Variants in NRXN1 observed in about 807,000 individuals in gnomAD.
The protein encoded by NRXN1 is neurexin 1, also known as neurexin-1.
Under a neutral mutation model 150.9 loss-of-function variants are expected in NRXN1, and 39 were observed. The observed-to-expected ratio is 0.26, with a 90% CI of 0.20 to 0.34. NRXN1 has a LOEUF of 0.34. Among genes scored for constraint, NRXN1 ranks in the 10% least tolerant of loss-of-function variants. NRXN1 has a pLI of 1.00. For missense variants in NRXN1, 1,815 were observed against 1,949.9 expected, an observed-to-expected ratio of 0.93 and a Z score of 1.30; for synonymous variants, 924 against 757.0, an observed-to-expected ratio of 1.22 and a Z score of -3.62.
At chr2:50,133,501 C>T (rs573596861) in intron 18 of NRXN1, among the ~76,000 whole-genome samples, 24 of 152,236 alleles carry the variant, frequency 1.6e-4, no homozygotes, top group African/African-American at 5.8e-4. Context: ...TGGATAGTAC[C>T]AGACAGACTC....
intron 18 of NRXN1, among the ~76,000 whole-genome samples, chr2:50,194,510 C>T (rs941403400): frequency 3.3e-5 from 5 of 152,074 alleles, no homozygotes; most frequent in Non-Finnish European, 5.9e-5. Context: ...CTTTACCCCC[C>T]CGATTCCCCA....
intron 5 of NRXN1, among the ~76,000 whole-genome samples, chr2:50,874,023 C>T (rs1678196235): frequency 6.6e-6 from 1 of 151,892 alleles, no homozygotes; most frequent in Non-Finnish European, 1.5e-5. Flanking sequence ...CAATTTGCCT[C>T]ATATGGTTTT....
intron 5 of NRXN1, among the ~76,000 whole-genome samples, chr2:50,654,066 C>T (rs1366235445): frequency 6.8e-6 from 1 of 147,298 alleles, no homozygotes; most frequent in Non-Finnish European, 1.5e-5. Context: ...TTTTAGGGTA[C>T]ATGTGTACAA....
At position 50,481,922 on chromosome 2, in the gene NRXN1, C is replaced by A. The variant is rs926103451; in HGVS notation, c.3071-9451G>T. Among the ~76,000 whole-genome samples the A allele has an allele frequency of 2.1e-5, 3 of 145,652 alleles. No homozygotes were observed. In the East Asian group the frequency reaches 5.9e-4, roughly 28 times the overall value. ...CTGGGACTACAGGCGCCCGCCACTACGCCCGGCTAATTTTTTTTTGTATTT... is the reference window on the plus strand; with the variant it reads ...CTGGGACTACAGGCGCCCGCCACTAAGCCCGGCTAATTTTTTTTTGTATTT... On this transcript the variant is annotated intron_variant, in intron 15 of 22. Transcript: ENST00000401669.
At chr2:50,482,597 A>C (rs2090552736) in intron 15 of NRXN1, among the ~76,000 whole-genome samples, 1 of 152,258 alleles carries the variant, frequency 6.6e-6, no homozygotes, top group South Asian at 2.1e-4. Context: ...ACACATGCAT[A>C]AACAGTGCAG....
At chr2:50,506,696 A>T (rs2092241946) in intron 12 of NRXN1, 79 bp from the exon 13 acceptor site, 2 of 1,456,888 alleles carry the variant, frequency 1.4e-6, no homozygotes, top group Non-Finnish European at 1.9e-6. Context: ...TGAGAGAAAG[A>T]GACAAGGGGG....
intron 5 of NRXN1, chr2:50,841,159 C>T (rs1232534604): frequency 6.6e-6 from 1 of 152,542 alleles, no homozygotes; most frequent in African/African-American, 2.4e-5. Context: ...AGGAAAGAGA[C>T]AGACTAAATG....
Position 50,309,859 on chromosome 2 carries a change from T to G in NRXN1, c.3365-72889A>C, listed in dbSNP as rs534601582. 9.9e-5 allele frequency among the ~76,000 whole-genome samples: 15 copies of G among 151,462 alleles called. No individual in the cohort carries two copies. The East Asian group carries it at 2.1e-3, about 21-fold the overall frequency. On this transcript the variant is annotated intron_variant, in intron 17 of 22. Coordinates refer to ENST00000401669, the MANE Select transcript of NRXN1 (RefSeq NM_001330078.2). ...GCGGAAGCAGAGAAACTAAAAAAAA[T>G]GTTCACAATCTTTCTTCTTCCAAAG...
intron 18 of NRXN1, among the ~76,000 whole-genome samples, chr2:50,195,430 A>G (rs1317245829): frequency 1.3e-5 from 2 of 152,158 alleles, no homozygotes; most frequent in Non-Finnish European, 2.9e-5. Context: ...CTAAATTTTA[A>G]CAGTGATTGC....
chr2:50,988,569 G>C (rs1282601162), intron 2 of NRXN1, among the ~76,000 whole-genome samples: 1 of 151,918 alleles, frequency 6.6e-6, no homozygotes, highest in Non-Finnish European at 1.5e-5. Context: ...GAGGTTAACA[G>C]CTCTAAATCC....
At chr2:50,841,323 G>A (rs1389288521) in intron 5 of NRXN1, among the ~76,000 whole-genome samples, 4 of 152,086 alleles carry the variant, frequency 2.6e-5, no homozygotes, top group Non-Finnish European at 5.9e-5. Context: ...AGCCATACCT[G>A]GATTTTCCTA....
chr2:50,555,313 G>C (rs76161497), intron 8 of NRXN1, among the ~76,000 whole-genome samples: 6,716 of 152,168 alleles, frequency 0.044, 221 homozygotes, highest in African/African-American at 0.084. Context: ...CTGGTATATT[G>C]TCTCTTGAAT....
rs1002996990 is a variant in NRXN1, at chr2:50,116,148, C to T, written c.3547-24654G>A. Among the ~76,000 whole-genome samples, 4 of 150,110 alleles carry T rather than the reference C, an allele frequency of 2.7e-5. No individual in the cohort carries two copies. The East Asian group carries it at 7.7e-4, about 29-fold the overall frequency. ...AGGAGTAATTTCTTGCACCTATAGC[C>T]GGAGTTTTTTTAAAGAGCTACGCAA... On this transcript the variant is annotated intron_variant, in intron 18 of 22. Coordinates refer to ENST00000401669, the MANE Select transcript of NRXN1 (RefSeq NM_001330078.2).
At chr2:50,053,075 G>C (rs1410780380) in intron 21 of NRXN1, among the ~76,000 whole-genome samples, 196 bp downstream of exon 21, 3 of 152,068 alleles carry the variant, frequency 2.0e-5, no homozygotes, top group Non-Finnish European at 2.9e-5. Flanking sequence ...TTTTGTAAAA[G>C]TCCACAAACC....
intron 5 of NRXN1, among the ~76,000 whole-genome samples, chr2:50,824,834 A>G (rs1260563295): frequency 6.6e-6 from 1 of 152,188 alleles, no homozygotes; most frequent in Non-Finnish European, 1.5e-5. Context: ...GCAGCTTTTC[A>G]TTAGTAAGAT....
intron 18 of NRXN1, among the ~76,000 whole-genome samples, chr2:50,106,489 T>C (rs1442316089): frequency 2.6e-5 from 4 of 152,030 alleles, no homozygotes; most frequent in Non-Finnish European, 5.9e-5. Context: ...AATTAACAAG[T>C]AATAACCTAT....
At chr2:50,737,195 CA>C (rs1264278683) in intron 5 of NRXN1, among the ~76,000 whole-genome samples, 1 of 150,332 alleles carries the variant, frequency 6.7e-6, no homozygotes, top group Admixed American at 6.6e-5. Flanking sequence ...AACTCCATTT[CA>C]AAAAAAAAGA....
chr2:50,187,047 A>G (rs2061121038), intron 18 of NRXN1, among the ~76,000 whole-genome samples: 1 of 152,054 alleles, frequency 6.6e-6, no homozygotes. Flanking sequence ...GTCCACTAAA[A>G]CAACATAAAA....
intron 17 of NRXN1, among the ~76,000 whole-genome samples, chr2:50,420,174 T>A (rs994348066): frequency 6.6e-6 from 1 of 151,968 alleles, no homozygotes; most frequent in African/African-American, 2.4e-5. Context: ...ATAAAAGGTA[T>A]CCAAGAAAAG....
Sources: gnomAD v4.1 joint callset for allele counts (sites outside exome capture counted in the v4.1 genomes callset) on GRCh38, gnomAD v4.1.1 for gene constraint, MANE v1.5 for transcripts, NCBI Gene and HGNC (gene_info 2026-07-23, HGNC 2026-07-21) for gene names.